Variants in RIC3 observed in about 807,000 individuals in gnomAD.
RIC3 encodes protein RIC-3.
RIC3 carries 28 observed loss-of-function variants against 27.3 expected under a neutral mutation model. The observed-to-expected ratio is 1.02, with a 90% CI of 0.76 to 1.41. RIC3 has a LOEUF of 1.41. Among genes scored for constraint, RIC3 ranks in the 40% most tolerant of loss-of-function variants. The probability of loss-of-function intolerance (pLI) is 0.00; values close to 1 mark genes in which losing one functional copy is unlikely to be tolerated. For synonymous variants in RIC3, 184 were observed against 160.4 expected (o/e 1.15, Z -1.11); for missense variants, 501 against 444.7 (o/e 1.13, Z -1.14).
intron 1 of RIC3, among the ~76,000 whole-genome samples, chr11:8,143,649 G>T (rs1949321799): frequency 2.0e-5 from 3 of 150,230 alleles, no homozygotes; most frequent in African/African-American, 2.4e-5. Context: ...AGCTACCAAT[G>T]ACTTTCTTCA....
chr11:8,095,010 G>T, the RIC3 span, among the ~76,000 whole-genome samples: 1 of 152,238 alleles, frequency 6.6e-6, no homozygotes, highest in Non-Finnish European at 1.5e-5. Flanking sequence ...GAAGGCGAGT[G>T]TATGCCAATT....
downstream of RIC3, chr11:8,105,311 G>C (rs1327024455): frequency 6.6e-6 from 1 of 152,226 alleles, no homozygotes; most frequent in Non-Finnish European, 1.5e-5. Context: ...GGACCTGAAT[G>C]ACCTGCAGTC....
intron 1 of RIC3, among the ~76,000 whole-genome samples, chr11:8,164,621 T>A (rs1951501938): frequency 6.6e-6 from 1 of 151,344 alleles, no homozygotes; most frequent in Admixed American, 6.6e-5. Flanking sequence ...TGCCAAAAAA[T>A]TTAAAAATTA....
rs1353037310 is a variant in RIC3, at chr11:8,140,190, T to G, written c.128A>C (p.Lys43Thr). ...RQEPPPTPEG[K>T]LGRFPPMMHH... is the part of the protein sequence containing the mutation. Reference sequence around the variant, plus strand: ...CATCATAGGTGGAAATCGGCCCAATTTTCCTGAGAAAATAATAATCACTTT... The same window carrying G: ...CATCATAGGTGGAAATCGGCCCAATGTTCCTGAGAAAATAATAATCACTTT... Residue 43 changes from lysine (K) to threonine (T), a missense_variant, in exon 2 of 6, where the codon AAA becomes ACA. Coordinates refer to ENST00000309737, the MANE Select transcript of RIC3 (RefSeq NM_001206671.4). The G allele has an allele frequency of 3.7e-6, 6 of 1,609,950 alleles. No individual in the cohort carries two copies. In the African/African-American group the frequency reaches 6.7e-5, roughly 18 times the overall value.
chr11:8,138,224 CTG>C (rs1194367415), intron 3 of RIC3, 46 bp downstream of exon 3: 37 of 1,332,572 alleles, frequency 2.8e-5, no homozygotes, highest in Non-Finnish European at 3.8e-5. Flanking sequence ...GGCTATAAAA[CTG>C]TTTGACTCAA....
intron 1 of RIC3, among the ~76,000 whole-genome samples, chr11:8,149,888 C>CT (rs1272815776): frequency 6.6e-6 from 1 of 152,112 alleles, no homozygotes; most frequent in East Asian, 1.9e-4. Flanking sequence ...ACTGTCCCTC[C>CT]TTTTTTGCCT....
chr11:8,126,351 A>G (rs1222749761), intron 5 of RIC3, among the ~76,000 whole-genome samples: 1 of 152,244 alleles, frequency 6.6e-6, no homozygotes, highest in African/African-American at 2.4e-5. Context: ...TATATGCAGT[A>G]TGATCACTTA....
At chr11:8,159,470 G>A (rs901232479) in intron 1 of RIC3, among the ~76,000 whole-genome samples, 6 of 152,080 alleles carry the variant, frequency 3.9e-5, no homozygotes, top group Non-Finnish European at 7.3e-5. Context: ...GATGTGAGTT[G>A]ACTTAAGCTT....
chr11:8,147,394 C>T (rs1216935856), intron 1 of RIC3, among the ~76,000 whole-genome samples: 1 of 151,850 alleles, frequency 6.6e-6, no homozygotes, highest in Non-Finnish European at 1.5e-5. Context: ...GGTGTTCACA[C>T]TTATCAGACT....
At chr11:8,168,475 G>T (rs963313981) in intron 1 of RIC3, among the ~76,000 whole-genome samples, 1 of 152,176 alleles carries the variant, frequency 6.6e-6, no homozygotes, top group African/African-American at 2.4e-5. Flanking sequence ...CGGCGCGTCA[G>T]AAAGTACACG....
intron 5 of RIC3, among the ~76,000 whole-genome samples, chr11:8,126,216 A>G (rs1393186151): frequency 6.6e-6 from 1 of 152,220 alleles, no homozygotes; most frequent in Non-Finnish European, 1.5e-5. Context: ...CAACTGGTGA[A>G]TGGACAAACA....
intron 1 of RIC3, among the ~76,000 whole-genome samples, chr11:8,151,537 G>T: frequency 7.5e-6 from 1 of 132,452 alleles, no homozygotes; most frequent in African/African-American, 3.1e-5. Context: ...AGTGAGTCGA[G>T]ATCGCGCCAC....
chr11:8,126,058 T>C (rs1377044972), intron 5 of RIC3, among the ~76,000 whole-genome samples: 1 of 152,002 alleles, frequency 6.6e-6, no homozygotes, highest in African/African-American at 2.4e-5. Flanking sequence ...CAAAGTTAAA[T>C]ATACAATTAC....
intron 4 of RIC3, among the ~76,000 whole-genome samples, chr11:8,134,986 CTTTAG>C (rs1005514391): frequency 3.7e-4 from 56 of 152,108 alleles, no homozygotes; most frequent in Non-Finnish European, 1.3e-4. Flanking sequence ...TGCAGAAGCT[CTTTAG>C]TTTAATTAGA....
intron 1 of RIC3, chr11:8,153,432 C>A: frequency 2.2e-6 from 1 of 451,722 alleles, no homozygotes; most frequent in Admixed American, 2.4e-5. Context: ...TTCTGCAATA[C>A]AAAAAAGTAA....
chr11:8,152,524 A>T (rs996038314), intron 1 of RIC3, among the ~76,000 whole-genome samples: 1 of 152,252 alleles, frequency 6.6e-6, no homozygotes, highest in Admixed American at 6.5e-5. Context: ...TCAAGTCTAT[A>T]GGACAGAAAG....
the RIC3 span, among the ~76,000 whole-genome samples, chr11:8,096,041 A>G: frequency 1.3e-5 from 2 of 152,242 alleles, no homozygotes; most frequent in Non-Finnish European, 2.9e-5. Flanking sequence ...CCCCTGGTGC[A>G]GGGTGGCAGA....
chr11:8,135,091 T>G (rs1948228721), intron 4 of RIC3, among the ~76,000 whole-genome samples: 1 of 152,224 alleles, frequency 6.6e-6, no homozygotes, highest in South Asian at 2.1e-4. Flanking sequence ...GCCTAGGTTT[T>G]CTTCTAGGGT....
intron 2 of RIC3, chr11:8,138,624 A>G (rs914464293): frequency 1.5e-5 from 6 of 402,094 alleles, no homozygotes; most frequent in Admixed American, 4.3e-5. Flanking sequence ...CTTCTCTTAG[A>G]AGCAAAATTT....
Sources: allele counts gnomAD v4.1 joint callset (sites outside exome capture counted in the v4.1 genomes callset), GRCh38; gene constraint gnomAD v4.1.1; transcripts MANE v1.5; gene names NCBI Gene and HGNC (gene_info 2026-07-23, HGNC 2026-07-21).